Variants in ITFG1 observed in about 807,000 individuals in gnomAD.
ITFG1 encodes integrin alpha FG-GAP repeat containing 1.
In ITFG1, 34 loss-of-function variants were observed where a neutral mutation model predicts 81.8. That is an observed-to-expected ratio of 0.42 (90% CI 0.32 to 0.55). The LOEUF (loss-of-function observed/expected upper bound fraction) is 0.55. Ranked by LOEUF, ITFG1 falls within the 20% of genes least tolerant of loss-of-function variation. The probability of loss-of-function intolerance (pLI) is 0.17; values close to 1 mark genes in which losing one functional copy is unlikely to be tolerated. For missense variants in ITFG1, 672 were observed against 755.4 expected (o/e 0.89, Z 1.29); for synonymous variants, 285 against 270.6 (o/e 1.05, Z -0.52).
intron 10 of ITFG1, among the ~76,000 whole-genome samples, chr16:47,308,386 C>G (rs1193687326): frequency 6.6e-6 from 1 of 152,114 alleles, no homozygotes; most frequent in Non-Finnish European, 1.5e-5. Context: ...ACCTCCATGC[C>G]TTTTGAAAAA....
At chr16:47,352,194 C>A (rs1967968933) in intron 8 of ITFG1, among the ~76,000 whole-genome samples, 1 of 152,116 alleles carries the variant, frequency 6.6e-6, no homozygotes, top group Non-Finnish European at 1.5e-5. Context: ...CAACAAAAGC[C>A]AAAATTGACA....
At chr16:47,440,886 A>G (rs552928914) in intron 5 of ITFG1, among the ~76,000 whole-genome samples, 44 of 152,288 alleles carry the variant, frequency 2.9e-4, no homozygotes, top group African/African-American at 8.9e-4. Flanking sequence ...CAAAAAATCA[A>G]TGAATCCAGG....
At chr16:47,352,759 A>T (rs1967981109) in intron 8 of ITFG1, among the ~76,000 whole-genome samples, 1 of 152,116 alleles carries the variant, frequency 6.6e-6, no homozygotes, top group African/African-American at 2.4e-5. Context: ...ACATGCACAC[A>T]TATGTTTATT....
intron 17 of ITFG1, among the ~76,000 whole-genome samples, chr16:47,157,760 A>G (rs989692687): frequency 5.9e-5 from 9 of 152,204 alleles, no homozygotes; most frequent in African/African-American, 2.2e-4. Context: ...GTTCTTTTTC[A>G]TATGTTAAAA....
intron 8 of ITFG1, among the ~76,000 whole-genome samples, chr16:47,322,495 C>G: frequency 6.6e-6 from 1 of 152,232 alleles, no homozygotes; most frequent in East Asian, 1.9e-4. Flanking sequence ...TCGAGACCAG[C>G]CTGGCCAACA....
chr16:47,193,997 ATAT>A (rs1965324663), intron 14 of ITFG1, among the ~76,000 whole-genome samples: 1 of 152,228 alleles, frequency 6.6e-6, no homozygotes, highest in Non-Finnish European at 1.5e-5. Flanking sequence ...ACATTTAAAG[ATAT>A]TATAGTTTTT....
intron 10 of ITFG1, among the ~76,000 whole-genome samples, chr16:47,276,070 C>T (rs1966394555): frequency 6.6e-6 from 1 of 151,670 alleles, no homozygotes; most frequent in Non-Finnish European, 1.5e-5. Context: ...TGCAATAAGA[C>T]TAAAAAAGAA....
intron 7 of ITFG1, among the ~76,000 whole-genome samples, chr16:47,370,221 T>C (rs1968234144): frequency 6.6e-6 from 1 of 152,110 alleles, no homozygotes; most frequent in South Asian, 2.1e-4. Context: ...AACCCGACCT[T>C]CAAACCAAAG....
At chr16:47,352,504 T>G (rs201107087) in intron 8 of ITFG1, among the ~76,000 whole-genome samples, 2 of 152,118 alleles carry the variant, frequency 1.3e-5, no homozygotes, top group African/African-American at 2.4e-5. Flanking sequence ...CAAAACCACA[T>G]TGAGATACCA....
chr16:47,234,547 C>T (rs1379610418), intron 13 of ITFG1, among the ~76,000 whole-genome samples: 2 of 151,932 alleles, frequency 1.3e-5, no homozygotes, highest in Non-Finnish European at 2.9e-5. Context: ...AGCCACAGAA[C>T]CAGGAAGCTC....
At chr16:47,346,013 A>T (rs1967849782) in intron 8 of ITFG1, among the ~76,000 whole-genome samples, 1 of 152,224 alleles carries the variant, frequency 6.6e-6, no homozygotes, top group Non-Finnish European at 1.5e-5. Context: ...CACTTAGAAC[A>T]AAACAGACCT....
intron 6 of ITFG1, among the ~76,000 whole-genome samples, chr16:47,424,888 G>A (rs1036983953): frequency 6.6e-6 from 1 of 152,120 alleles, no homozygotes; most frequent in African/African-American, 2.4e-5. Flanking sequence ...GGCTACATTG[G>A]GGTCAGGGAC....
Position 47,400,320 on chromosome 16 carries a change from T to TTGAGGCTATAGTGAGCTA in ITFG1, c.656-24398_656-24381dup, listed in dbSNP as rs796658638. 8.5e-4 allele frequency among the ~76,000 whole-genome samples: 130 copies of TTGAGGCTATAGTGAGCTA among 152,154 alleles called. 1 individual carries two copies. The highest frequency in any genetic ancestry group is 3.0e-3 in the African/African-American group (124 of 41,504). ...GGGGGAACTGCTTGAGTTCAGGAGT[T>TTGAGGCTATAGTGAGCTA]TGAGGCTATAGTGAGCTATGAACAT... On this transcript the variant is annotated intron_variant, in intron 6 of 17. Coordinates refer to ENST00000320640, the MANE Select transcript of ITFG1 (RefSeq NM_030790.5).
chr16:47,459,919 G>C (rs1969504942), intron 1 of ITFG1, among the ~76,000 whole-genome samples: 1 of 152,168 alleles, frequency 6.6e-6, no homozygotes, highest in Non-Finnish European at 1.5e-5. Context: ...CAAGAAGTCT[G>C]GTTCAGGATC....
chr16:47,223,386 C>T (rs1167478819), intron 13 of ITFG1, among the ~76,000 whole-genome samples: 12 of 152,070 alleles, frequency 7.9e-5, no homozygotes, highest in South Asian at 2.1e-4. Context: ...AACAAATTTA[C>T]AAGAAAAAAA....
chr16:47,262,857 G>A (rs1966227230), intron 10 of ITFG1: 1 of 153,242 alleles, frequency 6.5e-6, no homozygotes. Context: ...CAGAGGAGCA[G>A]GGAATCAAAA....
At chr16:47,458,157 G>A (rs986080364) in intron 2 of ITFG1, among the ~76,000 whole-genome samples, 1 of 152,208 alleles carries the variant, frequency 6.6e-6, no homozygotes, top group Non-Finnish European at 1.5e-5. Context: ...ACAAGGACCT[G>A]ATGATTCCCC....
chr16:47,207,581 A>G (rs1965516401), intron 14 of ITFG1, among the ~76,000 whole-genome samples: 1 of 152,210 alleles, frequency 6.6e-6, no homozygotes, highest in South Asian at 2.1e-4. Context: ...GAGGATATCC[A>G]AAGACAGGTG....
At chr16:47,208,179 C>T (rs548848207) in intron 14 of ITFG1, among the ~76,000 whole-genome samples, 1 of 152,250 alleles carries the variant, frequency 6.6e-6, no homozygotes, top group Non-Finnish European at 1.5e-5. Context: ...ATGGCTAAGA[C>T]TAGAGAACCT....
Sources: gnomAD v4.1 joint callset for allele counts (sites outside exome capture counted in the v4.1 genomes callset) on GRCh38, gnomAD v4.1.1 for gene constraint, MANE v1.5 for transcripts, NCBI Gene and HGNC (gene_info 2026-07-23, HGNC 2026-07-21) for gene names.